Variants in PLXNA4 observed in about 807,000 individuals in gnomAD.
PLXNA4 encodes the protein plexin A4.
Under a neutral mutation model 191.8 loss-of-function variants are expected in PLXNA4, and 44 were observed. That is an observed-to-expected ratio of 0.23 (90% CI 0.18 to 0.29). The LOEUF (loss-of-function observed/expected upper bound fraction) is 0.29. Ranked by LOEUF, PLXNA4 falls within the 10% of genes least tolerant of loss-of-function variation. The probability of loss-of-function intolerance (pLI) is 1.00; values close to 1 mark genes in which losing one functional copy is unlikely to be tolerated. For missense variants in PLXNA4, 1,800 were observed against 2,488.8 expected (o/e 0.72, Z 5.89); for synonymous variants, 1,082 against 1,009.5 (o/e 1.07, Z -1.36).
chr7:132,628,017 C>A (rs1405870732), intron 2 of PLXNA4, among the ~76,000 whole-genome samples: 2 of 152,164 alleles, frequency 1.3e-5, no homozygotes, highest in East Asian at 3.8e-4. Flanking sequence ...GGAGGCATTC[C>A]TCCTGAGGCT....
rs539017777 is a variant in PLXNA4 at position 132,607,136 on chromosome 7, A to G, written c.-87+38792T>C. 6.8e-4 allele frequency among the ~76,000 whole-genome samples: 104 copies of G among 152,214 alleles called. 1 individual carries two copies. Among genetic ancestry groups the G allele is most frequent in the Non-Finnish European group, 1.2e-3 (85 of 68,042 alleles). On this transcript the variant is annotated intron_variant, in intron 2 of 4. Transcript: ENST00000378539. Reference sequence around the variant, plus strand: ...TTGAAAAAGTTTAACGAGACTAACCAAAACAAAGATTTTCAATAATCCACA... The same window carrying G: ...TTGAAAAAGTTTAACGAGACTAACCGAAACAAAGATTTTCAATAATCCACA...
At chr7:132,563,220 TCTC>T (rs1432434061) in intron 1 of PLXNA4, among the ~76,000 whole-genome samples, 1 of 35,330 alleles carries the variant, frequency 2.8e-5, no homozygotes, top group African/African-American at 1.1e-4. Context: ...TCCTCCTCCT[TCTC>T]CTCCTCTTTC....
At chr7:132,156,385 T>C (rs1795799598) in intron 25 of PLXNA4, among the ~76,000 whole-genome samples, 1 of 152,066 alleles carries the variant, frequency 6.6e-6, no homozygotes, top group Admixed American at 6.5e-5. Flanking sequence ...GCCACAGTGA[T>C]GATGACAGGC....
chr7:132,446,040 C>T (rs1413033676), intron 3 of PLXNA4, among the ~76,000 whole-genome samples: 2 of 152,120 alleles, frequency 1.3e-5, no homozygotes, highest in African/African-American at 2.4e-5. Context: ...CCAGGAGCCC[C>T]GATGGAGGAA....
intron 2 of PLXNA4, among the ~76,000 whole-genome samples, chr7:132,632,532 A>C (rs751835954): frequency 6.6e-6 from 1 of 152,168 alleles, no homozygotes; most frequent in Non-Finnish European, 1.5e-5. Flanking sequence ...GCTCTTACTC[A>C]TTATCTACCT....
At chr7:132,615,311 C>A (rs1372161405) in intron 2 of PLXNA4, among the ~76,000 whole-genome samples, 1 of 152,066 alleles carries the variant, frequency 6.6e-6, no homozygotes, top group Non-Finnish European at 1.5e-5. Flanking sequence ...GAGCAGGGCC[C>A]TAAGGGAAAC....
chr7:132,289,541 T>A (rs1038028463), intron 4 of PLXNA4, among the ~76,000 whole-genome samples: 3 of 151,304 alleles, frequency 2.0e-5, no homozygotes, highest in African/African-American at 7.3e-5. Context: ...TTTTATTTAT[T>A]TTTTTTTTAG....
chr7:132,233,575 C>T lies in PLXNA4; in HGVS notation c.1605-5106G>A, dbSNP rs117923422. Among the ~76,000 whole-genome samples, 60 of 152,334 alleles carry T rather than the reference C, an allele frequency of 3.9e-4. No homozygotes were observed. In the East Asian group the frequency reaches 0.012, roughly 29 times the overall value. ...TGGCAACTGGGCCCATGGTCCTTTG[C>T]CATCTCTAAAGATCCAAAATTAACC... On this transcript the variant is annotated intron_variant, in intron 5 of 31. Transcript: ENST00000321063.
At chr7:132,633,436 C>G (rs1448443342) in intron 2 of PLXNA4, among the ~76,000 whole-genome samples, 1 of 152,140 alleles carries the variant, frequency 6.6e-6, no homozygotes, top group Non-Finnish European at 1.5e-5. Flanking sequence ...GTGCCCACCA[C>G]CACACCAGGC....
At chr7:132,620,086 G>GCCA (rs1222645077) in intron 2 of PLXNA4, among the ~76,000 whole-genome samples, 1 of 152,218 alleles carries the variant, frequency 6.6e-6, no homozygotes, top group Non-Finnish European at 1.5e-5. Context: ...ATAGGCGTGA[G>GCCA]CCACCGCGCC....
intron 1 of PLXNA4, among the ~76,000 whole-genome samples, chr7:132,567,548 C>T (rs1446762569): frequency 1.3e-5 from 2 of 152,110 alleles, no homozygotes; most frequent in African/African-American, 4.8e-5. Flanking sequence ...AGAGTAAGAA[C>T]CCACCATATT....
chr7:132,481,843 C>T (rs1399443840), intron 3 of PLXNA4, among the ~76,000 whole-genome samples: 1 of 152,182 alleles, frequency 6.6e-6, no homozygotes, highest in East Asian at 1.9e-4. Context: ...CCTGCTGAGC[C>T]CCCAGGCCTC....
At chr7:132,466,479 G>C (rs1342520512) in intron 3 of PLXNA4, among the ~76,000 whole-genome samples, 1 of 152,248 alleles carries the variant, frequency 6.6e-6, no homozygotes, top group Non-Finnish European at 1.5e-5. Flanking sequence ...TGTTCTGAGG[G>C]TTGAAAGAGT....
At chr7:132,258,850 A>G (rs1229164758) in intron 4 of PLXNA4, among the ~76,000 whole-genome samples, 1 of 152,222 alleles carries the variant, frequency 6.6e-6, no homozygotes, top group Non-Finnish European at 1.5e-5. Context: ...ATTGGATATA[A>G]CCACTCAATG....
intron 3 of PLXNA4, chr7:132,485,151 C>A: frequency 8.0e-7 from 1 of 1,251,510 alleles, no homozygotes; most frequent in Non-Finnish European, 1.1e-6. Context: ...TGGGAATGTG[C>A]ACCCAGTACC....
intron 5 of PLXNA4, among the ~76,000 whole-genome samples, chr7:132,236,343 C>G (rs560964677): frequency 3.3e-5 from 5 of 152,268 alleles, no homozygotes; most frequent in Admixed American, 3.3e-4. Context: ...CCCTTCTCTT[C>G]CACAATGCTA....
At chr7:132,309,538 C>T (rs1268407337) in intron 3 of PLXNA4, among the ~76,000 whole-genome samples, 2 of 152,146 alleles carry the variant, frequency 1.3e-5, no homozygotes, top group Non-Finnish European at 2.9e-5. Flanking sequence ...CTCCTCTCTG[C>T]CCACACAACT....
Position 132,565,157 on chromosome 7 carries a change from C to T in PLXNA4, c.-87+11265G>A, listed in dbSNP as rs368517495. 4.6e-5 allele frequency among the ~76,000 whole-genome samples: 7 copies of T among 152,288 alleles called. 1 individual carries two copies. The East Asian group carries it at 1.2e-3, about 25-fold the overall frequency. On this transcript the variant is annotated intron_variant, in intron 1 of 31. Transcript: ENST00000321063. ...ACTCTTTCTTCTGATGCTCACCCAACCCTTTAATATGCAAGGCCACATTCA... is the reference window on the plus strand; with the variant it reads ...ACTCTTTCTTCTGATGCTCACCCAATCCTTTAATATGCAAGGCCACATTCA...
At chr7:132,402,397 G>A (rs1330372765) in intron 3 of PLXNA4, among the ~76,000 whole-genome samples, 1 of 152,106 alleles carries the variant, frequency 6.6e-6, no homozygotes, top group Non-Finnish European at 1.5e-5. Context: ...CGAGGCACAG[G>A]GGCTCCATTG....
Sources: allele counts gnomAD v4.1 joint callset (sites outside exome capture counted in the v4.1 genomes callset), GRCh38; gene constraint gnomAD v4.1.1; transcripts MANE v1.5; gene names NCBI Gene and HGNC (gene_info 2026-07-23, HGNC 2026-07-21).